The following BCAS3 variants were observed in gnomAD, a reference collection of about 807,000 sequenced individuals.
BCAS3 encodes BCAS3 microtubule associated cell migration factor.
Under a neutral mutation model 116.1 loss-of-function variants are expected in BCAS3, and 53 were observed. That is an observed-to-expected ratio of 0.46 (90% CI 0.37 to 0.57). The LOEUF is 0.57. Among genes scored for constraint, BCAS3 ranks in the 20% least tolerant of loss-of-function variants. The pLI is 0.00. For missense variants in BCAS3, 917 were observed against 1,165.4 expected, an observed-to-expected ratio of 0.79 and a Z score of 3.10; for synonymous variants, 391 against 408.2, an observed-to-expected ratio of 0.96 and a Z score of 0.51.
chr17:61,168,574 C>T (rs1247888402), intron 22 of BCAS3, among the ~76,000 whole-genome samples: 1 of 152,136 alleles, frequency 6.6e-6, no homozygotes, highest in African/African-American at 2.4e-5. Context: ...TTTAATTAGG[C>T]CACAAGTTTG....
At chr17:60,768,111 G>A (rs1473422067) in intron 6 of BCAS3, among the ~76,000 whole-genome samples, 1 of 152,212 alleles carries the variant, frequency 6.6e-6, no homozygotes, top group Non-Finnish European at 1.5e-5. Context: ...TGGGTAGGGT[G>A]CTTTGACTTT....
intron 12 of BCAS3, among the ~76,000 whole-genome samples, chr17:60,910,918 G>C (rs181187517): frequency 6.6e-6 from 1 of 151,960 alleles, no homozygotes; most frequent in Non-Finnish European, 1.5e-5. Context: ...AGGTAAAGTC[G>C]AGGTTCTAAG....
chr17:60,808,387 A>C (rs1162068440), intron 7 of BCAS3, among the ~76,000 whole-genome samples: 1 of 152,230 alleles, frequency 6.6e-6, no homozygotes, highest in Non-Finnish European at 1.5e-5. Context: ...GCTGCAAGGA[A>C]AGCTAGGAAT....
In BCAS3 at chr17:61,077,068, T is replaced by G. The variant is rs765107292; in HGVS notation, c.2131-1265T>G. 1.3e-5 allele frequency among the ~76,000 whole-genome samples: 2 copies of G among 151,980 alleles called. No homozygotes were observed. The highest frequency in any genetic ancestry group is 6.6e-5 in the Admixed American group (1 of 15,256). ...ATTACATAAAGTATTTGCACAGGCA[T>G]GAATGTACCATTGACAAGACATTTA... On this transcript the variant is annotated intron_variant, in intron 20 of 23. Transcript: ENST00000407086. The surrounding 1 kb of genome is among the most constrained non-coding windows in gnomAD (Gnocchi z 4.3).
intron 4 of BCAS3, among the ~76,000 whole-genome samples, chr17:60,695,104 G>A (rs1726158871): frequency 6.7e-6 from 1 of 148,624 alleles, no homozygotes; most frequent in South Asian, 2.1e-4. Flanking sequence ...ATGCTTCATT[G>A]TATGTATATA....
In BCAS3 at chr17:61,156,834, C is replaced by A. The variant is rs73991496; in HGVS notation, c.2425+72270C>A. Among the ~76,000 whole-genome samples the A allele has an allele frequency of 3.9e-3, 594 of 152,232 alleles. 5 individuals carry two copies. The highest frequency in any genetic ancestry group is 0.014 in the African/African-American group (568 of 41,534). On this transcript the variant is annotated intron_variant, in intron 22 of 23. Transcript: ENST00000407086. This position sits in a 1 kb window ranked among gnomAD's most constrained non-coding sequence, Gnocchi z 4.7. Reference sequence around the variant, plus strand: ...CCCTGAAGCTGGTACATACAGACCACCTCAACGATGGACTCCTTTATGAAT... The same window carrying A: ...CCCTGAAGCTGGTACATACAGACCAACTCAACGATGGACTCCTTTATGAAT...
chr17:60,800,876 A>T (rs1049721799), intron 6 of BCAS3, among the ~76,000 whole-genome samples: 1 of 151,968 alleles, frequency 6.6e-6, no homozygotes, highest in Non-Finnish European at 1.5e-5. Flanking sequence ...TCATTTGGCC[A>T]TATTTGTGTG....
rs953769058 is a variant in BCAS3, at chr17:61,219,357, G to A, written c.2425+134793G>A. On this transcript the variant is annotated intron_variant, in intron 22 of 23. Coordinates refer to ENST00000407086, the MANE Select transcript of BCAS3 (RefSeq NM_017679.5). The surrounding 1 kb of genome is among the most constrained non-coding windows in gnomAD (Gnocchi z 5.2). ...CCTAGGGAGTTTTGGGAGTCATGCA[G>A]TGATCAGGTTCAGGACTTTTGGGTC... Among the ~76,000 whole-genome samples the A allele has an allele frequency of 6.6e-6, 1 of 152,186 alleles. No individual in the cohort carries two copies.
intron 6 of BCAS3, among the ~76,000 whole-genome samples, chr17:60,766,987 G>A (rs1425992617): frequency 2.0e-5 from 3 of 152,214 alleles, no homozygotes; most frequent in Non-Finnish European, 1.5e-5. Context: ...GGCTCCATGG[G>A]CATTGGACCC....
intron 22 of BCAS3, among the ~76,000 whole-genome samples, chr17:61,273,816 T>TACACTTCA (rs2050522180): frequency 6.6e-6 from 1 of 151,468 alleles, no homozygotes; most frequent in Non-Finnish European, 1.5e-5. Context: ...TAGGTCTCTG[T>TACACTTCA]AGTGTTTAAT....
rs1322719500 is a variant in BCAS3, at chr17:61,346,020, A to G, written c.2426-22307A>G. ...TGGTGTGCGGACTGGAGGTCAGTGA[A>G]TTTAAGGCCAAAGGTGTTGGCTTGG... On this transcript the variant is annotated intron_variant, in intron 22 of 23. Transcript: ENST00000407086. The surrounding 1 kb of genome is among the most constrained non-coding windows in gnomAD (Gnocchi z 5.4). Among the ~76,000 whole-genome samples, 1 of 152,140 alleles carries G rather than the reference A, an allele frequency of 6.6e-6. No individual in the cohort carries two copies. Among genetic ancestry groups the G allele is most frequent in the African/African-American group, 2.4e-5 (1 of 41,428 alleles).
chr17:61,348,462 A>G lies in BCAS3; in HGVS notation c.2426-19865A>G, dbSNP rs1568911910. Among the ~76,000 whole-genome samples, 1 of 152,138 alleles carries G rather than the reference A, an allele frequency of 6.6e-6. No homozygotes were observed. Among genetic ancestry groups the G allele is most frequent in the Non-Finnish European group, 1.5e-5 (1 of 68,022 alleles). On this transcript the variant is annotated intron_variant, in intron 22 of 23. Coordinates refer to ENST00000407086, the MANE Select transcript of BCAS3 (RefSeq NM_017679.5). This position sits in a 1 kb window ranked among gnomAD's most constrained non-coding sequence, Gnocchi z 4.5. ...GTAGTACTGGGTATTTGTAAGCGTT[A>G]GAGTAGCTGAACTCACCCAAGAATA...
rs1335448830 is a variant in BCAS3, at chr17:60,961,318, A to G, written c.1221+13966A>G. Among the ~76,000 whole-genome samples the G allele has an allele frequency of 6.6e-6, 1 of 152,174 alleles. No individual in the cohort carries two copies. Among genetic ancestry groups the G allele is most frequent in the Non-Finnish European group, 1.5e-5 (1 of 68,034 alleles). ...AATCAGTAGGGCATTACAGAGGTTT[A>G]TCAGCATACATGATTCTGGCGGCTG... On this transcript the variant is annotated intron_variant, in intron 14 of 23. Coordinates refer to ENST00000407086, the MANE Select transcript of BCAS3 (RefSeq NM_017679.5). This position sits in a 1 kb window ranked among gnomAD's most constrained non-coding sequence, Gnocchi z 4.8.
intron 12 of BCAS3, among the ~76,000 whole-genome samples, chr17:60,914,384 C>A (rs2058670042): frequency 6.6e-6 from 1 of 152,032 alleles, no homozygotes; most frequent in African/African-American, 2.4e-5. Context: ...GATTAATGTG[C>A]CTTTTTGCTG....
chr17:61,319,871 C>T (rs2055049966), intron 22 of BCAS3, among the ~76,000 whole-genome samples: 1 of 149,426 alleles, frequency 6.7e-6, no homozygotes, highest in African/African-American at 2.5e-5. Flanking sequence ...TTCTTTCTTT[C>T]TTCTTCTTCT....
intron 12 of BCAS3, among the ~76,000 whole-genome samples, chr17:60,917,165 A>G (rs919664536): frequency 1.3e-5 from 2 of 152,258 alleles, no homozygotes; most frequent in African/African-American, 2.4e-5. Context: ...TGCAAACAAT[A>G]TAATATTATT....
intron 7 of BCAS3, among the ~76,000 whole-genome samples, chr17:60,823,882 G>A (rs1318446947): frequency 6.6e-6 from 1 of 151,788 alleles, no homozygotes; most frequent in African/African-American, 2.4e-5. Flanking sequence ...TTTAATTTTA[G>A]TACCATAGTG....
At chr17:60,903,985 G>A (rs989306106) in intron 11 of BCAS3, among the ~76,000 whole-genome samples, 3 of 152,154 alleles carry the variant, frequency 2.0e-5, no homozygotes, top group Admixed American at 6.5e-5. Flanking sequence ...TTATGGAATG[G>A]AGGATAACTT....
At chr17:60,729,308 G>A (rs2040222588) in intron 5 of BCAS3, among the ~76,000 whole-genome samples, 1 of 145,354 alleles carries the variant, frequency 6.9e-6, no homozygotes, top group Non-Finnish European at 1.5e-5. Context: ...TTGTAGATAT[G>A]TGGACTCTTT....
Sources: allele counts gnomAD v4.1 joint callset (sites outside exome capture counted in the v4.1 genomes callset), GRCh38; gene constraint gnomAD v4.1.1; non-coding constraint Gnocchi (gnomAD v3.1); transcripts MANE v1.5; gene names NCBI Gene and HGNC (gene_info 2026-07-23, HGNC 2026-07-21).